The following NRXN3 variants were observed in gnomAD, a reference collection of about 807,000 sequenced individuals.
NRXN3 encodes the protein neurexin 3, also known as neurexin III.
In NRXN3, 32 loss-of-function variants were observed where a neutral mutation model predicts 137.6. That is an observed-to-expected ratio of 0.23 (90% CI 0.18 to 0.31). NRXN3 has a LOEUF of 0.31. NRXN3 is among the 10% of genes least tolerant of loss of function. The pLI is 1.00. For missense variants in NRXN3, 1,574 were observed against 2,062.5 expected (o/e 0.76, Z 4.59); for synonymous variants, 798 against 784.5 (o/e 1.02, Z -0.29).
chr14:78,231,676 G>A (rs2065420163), intron 1 of NRXN3: 1 of 152,142 alleles, frequency 6.6e-6, no homozygotes, highest in African/African-American at 2.4e-5. Flanking sequence ...TTGGAAAAAT[G>A]ACTTCATTTT....
chr14:79,542,988 G>T (rs2097287918), intron 16 of NRXN3, among the ~76,000 whole-genome samples: 1 of 152,120 alleles, frequency 6.6e-6, no homozygotes, highest in Admixed American at 6.5e-5. Flanking sequence ...GGAGAAAAGG[G>T]CTCTGTAAAA....
chr14:78,171,673 C>A (rs117706350), intron 1 of NRXN3, among the ~76,000 whole-genome samples: 2,428 of 151,052 alleles, frequency 0.016, 17 homozygotes, highest in Non-Finnish European at 0.026. Context: ...CTTCTTAGGC[C>A]AGTGATGTAA....
intron 10 of NRXN3, among the ~76,000 whole-genome samples, chr14:78,853,661 A>G (rs1483148136): frequency 6.6e-6 from 1 of 152,158 alleles, no homozygotes; most frequent in Non-Finnish European, 1.5e-5. Flanking sequence ...TTAAGGACTG[A>G]CTCACTTTCT....
At chr14:78,346,339 G>C (rs985538714) in intron 4 of NRXN3, among the ~76,000 whole-genome samples, 3 of 137,850 alleles carry the variant, frequency 2.2e-5, no homozygotes, top group Non-Finnish European at 3.0e-5. Context: ...ACTCTTACCT[G>C]GGGCCTGGTC....
chr14:78,540,382 G>A (rs1192637088), intron 4 of NRXN3, among the ~76,000 whole-genome samples: 1 of 148,222 alleles, frequency 6.7e-6, no homozygotes, highest in South Asian at 2.2e-4. Flanking sequence ...TTTCTCTTTT[G>A]ATCTTTGTTG....
At chr14:79,116,404 T>A (rs142483279) in intron 15 of NRXN3, among the ~76,000 whole-genome samples, 1 of 152,220 alleles carries the variant, frequency 6.6e-6, no homozygotes, top group Non-Finnish European at 1.5e-5. Context: ...TAAGCTGTAA[T>A]GGATGCAAAA....
chr14:79,386,870 A>T (rs2094638195), intron 15 of NRXN3, among the ~76,000 whole-genome samples: 1 of 152,244 alleles, frequency 6.6e-6, no homozygotes, highest in African/African-American at 2.4e-5. Flanking sequence ...CCTATTTAAT[A>T]AATGGTGCTG....
chr14:79,277,693 C>A (rs903062282), intron 15 of NRXN3, among the ~76,000 whole-genome samples: 1 of 152,140 alleles, frequency 6.6e-6, no homozygotes, highest in Non-Finnish European at 1.5e-5. Context: ...CATAAACCAC[C>A]CCTTCCCCTT....
intron 1 of NRXN3, among the ~76,000 whole-genome samples, chr14:78,238,515 C>G (rs917085270): frequency 6.6e-6 from 1 of 152,182 alleles, no homozygotes; most frequent in East Asian, 1.9e-4. Context: ...GAAGGATAAA[C>G]GCTGGCAGCA....
chr14:79,353,330 T>C (rs1486422471), intron 15 of NRXN3, among the ~76,000 whole-genome samples: 1 of 152,086 alleles, frequency 6.6e-6, no homozygotes, highest in Non-Finnish European at 1.5e-5. Context: ...ATTATATTCC[T>C]TTTTCTTTTT....
chr14:79,796,853 G>A (rs924658698), intron 19 of NRXN3, among the ~76,000 whole-genome samples: 3 of 152,212 alleles, frequency 2.0e-5, no homozygotes, highest in East Asian at 1.9e-4. Flanking sequence ...GTAGTCTGCT[G>A]TCTTTAGTGA....
At chr14:79,848,997 G>A (rs1408167443) in intron 20 of NRXN3, among the ~76,000 whole-genome samples, 2 of 152,030 alleles carry the variant, frequency 1.3e-5, no homozygotes, top group Non-Finnish European at 2.9e-5. Context: ...ATTTGATTCA[G>A]GTGTACAAAC....
chr14:79,446,313 CT>C (rs2096063113), intron 15 of NRXN3, among the ~76,000 whole-genome samples: 1 of 152,104 alleles, frequency 6.6e-6, no homozygotes, highest in Non-Finnish European at 1.5e-5. Flanking sequence ...CTGTCTACTG[CT>C]TTTTATTCTG....
intron 10 of NRXN3, among the ~76,000 whole-genome samples, chr14:78,850,329 C>A (rs2099039218): frequency 6.6e-6 from 1 of 152,100 alleles, no homozygotes; most frequent in African/African-American, 2.4e-5. Context: ...ACCATAATAC[C>A]TCAGGCCTTT....
chr14:78,184,639 G>A (rs562677529), intron 1 of NRXN3, among the ~76,000 whole-genome samples: 3 of 152,204 alleles, frequency 2.0e-5, no homozygotes, highest in Non-Finnish European at 2.9e-5. Context: ...GAGAGGGAAG[G>A]TTCCATTTTC....
At chr14:78,472,821 A>G (rs571676281) in intron 4 of NRXN3, among the ~76,000 whole-genome samples, 1 of 151,874 alleles carries the variant, frequency 6.6e-6, no homozygotes, top group Non-Finnish European at 1.5e-5. Flanking sequence ...TCCACTCCAC[A>G]CTCAGCAAAA....
chr14:78,626,063 C>T lies in NRXN3; in HGVS notation c.758-19057C>T, dbSNP rs140076599. On this transcript the variant is annotated intron_variant, in intron 4 of 20. Coordinates refer to ENST00000335750, the MANE Select transcript of NRXN3 (RefSeq NM_001330195.2). ...CCAGCCATCTAGAATTGGTCATTGC[C>T]ATTATTATTAAACAGTGCAGCCCTA... 3.1e-3 allele frequency among the ~76,000 whole-genome samples: 470 copies of T among 152,232 alleles called. 2 individuals carry two copies. The highest frequency in any genetic ancestry group is 4.5e-3 in the Non-Finnish European group (305 of 68,030).
At chr14:78,412,103 G>GT (rs1288005780) in intron 4 of NRXN3, among the ~76,000 whole-genome samples, 3 of 152,212 alleles carry the variant, frequency 2.0e-5, no homozygotes, top group Admixed American at 1.3e-4. Flanking sequence ...GCACAGTGTA[G>GT]TAAGACGTTA....
intron 15 of NRXN3, among the ~76,000 whole-genome samples, chr14:79,404,154 A>G (rs1467338202): frequency 1.3e-5 from 2 of 152,188 alleles, no homozygotes; most frequent in Non-Finnish European, 2.9e-5. Context: ...AACTATCAAC[A>G]GAGTAAAGAG....
Sources: gnomAD v4.1 joint callset for allele counts (sites outside exome capture counted in the v4.1 genomes callset) on GRCh38, gnomAD v4.1.1 for gene constraint, MANE v1.5 for transcripts, NCBI Gene and HGNC (gene_info 2026-07-23, HGNC 2026-07-21) for gene names.